Variants in C1QTNF3 observed in about 807,000 individuals in gnomAD.
The protein encoded by C1QTNF3 is complement C1q tumor necrosis factor-related protein 3.
Under a neutral mutation model 32.6 loss-of-function variants are expected in C1QTNF3, and 26 were observed. The observed-to-expected ratio is 0.80, with a 90% CI of 0.58 to 1.11. The LOEUF is 1.11. C1QTNF3 is among the 50% of genes least tolerant of loss of function. C1QTNF3 has a pLI of 0.00. For missense variants in C1QTNF3, 362 were observed against 398.2 expected (o/e 0.91, Z 0.77); for synonymous variants, 155 against 146.0 (o/e 1.06, Z -0.44).
the C1QTNF3 span, among the ~76,000 whole-genome samples, chr5:34,134,481 C>T: frequency 6.6e-6 from 1 of 152,118 alleles, no homozygotes; most frequent in African/African-American, 2.4e-5. Context: ...ACTTCTGTCA[C>T]TGATCAGAAC....
chr5:34,214,693 T>G, the C1QTNF3 span, among the ~76,000 whole-genome samples: 1 of 152,126 alleles, frequency 6.6e-6, no homozygotes, highest in Non-Finnish European at 1.5e-5. Context: ...AGTCCCATAT[T>G]GTCATTTTTT....
the C1QTNF3 span, among the ~76,000 whole-genome samples, chr5:34,156,617 C>T: frequency 6.6e-6 from 1 of 152,048 alleles, no homozygotes; most frequent in Non-Finnish European, 1.5e-5. Context: ...TTTATTTGCA[C>T]AGTTAGAATT....
chr5:34,197,838 G>A, the C1QTNF3 span, among the ~76,000 whole-genome samples: 1 of 152,120 alleles, frequency 6.6e-6, no homozygotes, highest in Non-Finnish European at 1.5e-5. Context: ...GGTGCTTGAG[G>A]ATTTGGTGTC....
At chr5:34,105,281 G>A in the C1QTNF3 span, among the ~76,000 whole-genome samples, 1 of 151,970 alleles carries the variant, frequency 6.6e-6, no homozygotes, top group Non-Finnish European at 1.5e-5. Context: ...TCTCTCCTGT[G>A]TCATATATGA....
upstream of C1QTNF3, among the ~76,000 whole-genome samples, chr5:34,047,776 A>C (rs555545099): frequency 3.4e-4 from 51 of 152,208 alleles, no homozygotes; most frequent in Non-Finnish European, 7.2e-4. Flanking sequence ...TTATGACTTC[A>C]TGTTAAGGGC....
At chr5:34,222,351 T>C in the C1QTNF3 span, among the ~76,000 whole-genome samples, 1 of 152,094 alleles carries the variant, frequency 6.6e-6, no homozygotes, top group Non-Finnish European at 1.5e-5. Context: ...ATTTTTAGAT[T>C]GTTTATAAGT....
At chr5:34,170,213 T>C in the C1QTNF3 span, among the ~76,000 whole-genome samples, 12 of 152,172 alleles carry the variant, frequency 7.9e-5, no homozygotes, top group African/African-American at 1.2e-4. Context: ...ATTCCACTTA[T>C]ACGAGGTATC....
the C1QTNF3 span, among the ~76,000 whole-genome samples, chr5:34,181,710 T>C: frequency 2.0e-5 from 3 of 152,418 alleles, no homozygotes; most frequent in Admixed American, 1.3e-4. Flanking sequence ...CAGCCGCACC[T>C]ATGACAGCCA....
At chr5:34,117,134 C>T in the C1QTNF3 span, among the ~76,000 whole-genome samples, 103,032 of 151,474 alleles carry the variant, frequency 0.68, 35,669 homozygotes, top group African/African-American at 0.79. Context: ...ATATCTAATA[C>T]ATCATCCATA....
At chr5:34,236,574 T>C in the C1QTNF3 span, among the ~76,000 whole-genome samples, 3 of 124,568 alleles carry the variant, frequency 2.4e-5, no homozygotes, top group African/African-American at 5.8e-5. Flanking sequence ...TTTTTTCTTT[T>C]TTTTTTTTTT....
rs756522627 is a variant in C1QTNF3 at position 34,020,657 on chromosome 5, C to A, written c.886G>T (p.Gly296Cys). ...AKGDEVWLRM[G>C]NGALHGDHQR... ...TGGTCCCCATGGAGAGCGCCATTGCCCATTCGCAGCCAAACCTCATCCCCT... is the reference window on the plus strand; with the variant it reads ...TGGTCCCCATGGAGAGCGCCATTGCACATTCGCAGCCAAACCTCATCCCCT... The change falls in exon 6 of 6, where the codon GGC (glycine) becomes TGC (cysteine). Residue 296 changes from glycine to cysteine, a missense_variant. Transcript: ENST00000382065. The A allele has an allele frequency of 1.9e-6, 3 of 1,614,194 alleles. No individual in the cohort carries two copies. Among genetic ancestry groups the A allele is most frequent in the Non-Finnish European group, 2.5e-6 (3 of 1,180,040 alleles).
chr5:34,187,201 G>T, the C1QTNF3 span, among the ~76,000 whole-genome samples: 12,183 of 151,348 alleles, frequency 0.08, 1,403 homozygotes, highest in African/African-American at 0.24. Flanking sequence ...CACCATGATT[G>T]TGAGGCCTCC....
At chr5:34,182,519 A>G in the C1QTNF3 span, among the ~76,000 whole-genome samples, 9 of 131,824 alleles carry the variant, frequency 6.8e-5, no homozygotes, top group South Asian at 1.8e-3. Flanking sequence ...ATAAATAAAT[A>G]AAAAATCTGG....
the C1QTNF3 span, among the ~76,000 whole-genome samples, chr5:34,076,319 G>GGA: frequency 5.3e-5 from 8 of 151,414 alleles, no homozygotes; most frequent in Admixed American, 3.9e-4. Context: ...TAATTTTAAT[G>GGA]ATCATTTAGA....
the C1QTNF3 span, among the ~76,000 whole-genome samples, chr5:34,144,406 A>G: frequency 6.6e-6 from 1 of 152,356 alleles, no homozygotes; most frequent in African/African-American, 2.4e-5. Flanking sequence ...CACTTGACTT[A>G]AACTTGACAC....
the C1QTNF3 span, among the ~76,000 whole-genome samples, chr5:34,131,469 TAAG>T: frequency 6.6e-6 from 1 of 151,762 alleles, no homozygotes; most frequent in Non-Finnish European, 1.5e-5. Flanking sequence ...ATAGAAACTA[TAAG>T]AAGCAGCCTC....
the C1QTNF3 span, among the ~76,000 whole-genome samples, chr5:34,135,259 G>A: frequency 1.3e-5 from 2 of 152,146 alleles, no homozygotes; most frequent in African/African-American, 2.4e-5. Flanking sequence ...GCATCCCAGC[G>A]ATGAAGCCGA....
chr5:34,201,650 T>C, the C1QTNF3 span, among the ~76,000 whole-genome samples: 1 of 152,172 alleles, frequency 6.6e-6, no homozygotes. Context: ...AACAAACTTC[T>C]GATAAAAAGG....
chr5:34,045,845 T>C (rs1754977017), upstream of C1QTNF3, among the ~76,000 whole-genome samples: 1 of 152,052 alleles, frequency 6.6e-6, no homozygotes. Context: ...CCTTCAAGAA[T>C]TGGGGTCAGA....
Sources: gnomAD v4.1 joint callset for allele counts (sites outside exome capture counted in the v4.1 genomes callset) on GRCh38, gnomAD v4.1.1 for gene constraint, MANE v1.5 for transcripts, NCBI Gene and HGNC (gene_info 2026-07-23, HGNC 2026-07-21) for gene names.